The following CUX2 variants were observed in gnomAD, a reference collection of about 807,000 sequenced individuals.
CUX2 encodes cut like homeobox 2, also known as homeobox protein cut-like 2.
In CUX2, 40 loss-of-function variants were observed where a neutral mutation model predicts 144.8. The ratio of observed to expected loss-of-function variants is 0.28; its 90% CI spans 0.21 to 0.36. The LOEUF is 0.36. CUX2 is among the 10% of genes least tolerant of loss of function. CUX2 has a pLI of 1.00. For missense variants in CUX2, 1,615 were observed against 1,994.0 expected (o/e 0.81, Z 3.62); for synonymous variants, 827 against 875.6 (o/e 0.94, Z 0.98).
chr12:111,120,206 C>T (rs1343374491), intron 1 of CUX2, among the ~76,000 whole-genome samples: 2 of 152,194 alleles, frequency 1.3e-5, no homozygotes, highest in Admixed American at 6.5e-5. Flanking sequence ...CAACTCTCTT[C>T]ATTATCCTCT....
chr12:111,329,792 C>A (rs745603660), intron 18 of CUX2, among the ~76,000 whole-genome samples: 14 of 152,262 alleles, frequency 9.2e-5, no homozygotes, highest in Middle Eastern at 3.4e-3. Context: ...TGTGCAAACA[C>A]ACCTGGCTAA....
At position 111,037,551 on chromosome 12, in the gene CUX2, T is replaced by C. The variant is rs1869522927; in HGVS notation, c.63+3311T>C. Among the ~76,000 whole-genome samples, 1 of 152,236 alleles carries C rather than the reference T, an allele frequency of 6.6e-6. No individual in the cohort carries two copies. The highest frequency in any genetic ancestry group is 2.1e-4 in the South Asian group (1 of 4,832). On this transcript the variant is annotated intron_variant, in intron 1 of 21. Transcript: ENST00000261726. This position sits in a 1 kb window ranked among gnomAD's most constrained non-coding sequence, Gnocchi z 5.4. Reference sequence around the variant, plus strand: ...ATGTGCCACCCTACTCCGGCACTCCTGAAACTACCTCCCCCCGTCTTTGCT... The same window carrying C: ...ATGTGCCACCCTACTCCGGCACTCCCGAAACTACCTCCCCCCGTCTTTGCT...
intron 1 of CUX2, among the ~76,000 whole-genome samples, chr12:111,207,097 T>C (rs996500021): frequency 1.3e-5 from 2 of 152,184 alleles, no homozygotes; most frequent in Non-Finnish European, 2.9e-5. Flanking sequence ...GATAAAGGGC[T>C]TCCAGCCTGG....
chr12:111,292,012 T>C (rs1306756015), intron 5 of CUX2, among the ~76,000 whole-genome samples: 1 of 151,600 alleles, frequency 6.6e-6, no homozygotes, highest in Non-Finnish European at 1.5e-5. Context: ...CCCTCCACAG[T>C]AGGGAGGGGA....
chr12:111,088,501 G>T (rs1872371334), intron 1 of CUX2, among the ~76,000 whole-genome samples: 1 of 152,172 alleles, frequency 6.6e-6, no homozygotes, highest in South Asian at 2.1e-4. Flanking sequence ...TCAAAATGCA[G>T]CGGGCTGAAT....
intron 16 of CUX2, among the ~76,000 whole-genome samples, chr12:111,316,588 T>A (rs904650872): frequency 2.0e-5 from 3 of 151,544 alleles, no homozygotes; most frequent in Non-Finnish European, 4.4e-5. Flanking sequence ...TAGCTGGGAT[T>A]ACAGGTGCGT....
chr12:111,102,302 C>G (rs1435340480), intron 1 of CUX2, among the ~76,000 whole-genome samples: 1 of 152,212 alleles, frequency 6.6e-6, no homozygotes, highest in Non-Finnish European at 1.5e-5. Context: ...GGGAGCCAGC[C>G]GACAAGGAAG....
intron 1 of CUX2, among the ~76,000 whole-genome samples, chr12:111,128,165 G>A (rs7971754): frequency 0.093 from 14,145 of 152,130 alleles, 2,174 homozygotes; most frequent in African/African-American, 0.32. Context: ...GAACCAAACC[G>A]TTAACCACAG....
chr12:111,100,660 G>A lies in CUX2; in HGVS notation c.63+66420G>A, dbSNP rs1873167172. 2.0e-5 allele frequency among the ~76,000 whole-genome samples: 3 copies of A among 152,220 alleles called. No homozygotes were observed. In the South Asian group the frequency reaches 6.2e-4, roughly 31 times the overall value. On this transcript the variant is annotated intron_variant, in intron 1 of 21. Transcript: ENST00000261726. ...TGAACATGTGAGCTTGCATGGAGGA[G>A]GGTGTCACGTGGCAGAGTGAGTTGT...
At position 111,190,474 on chromosome 12, in the gene CUX2, C is replaced by T. The variant is rs1477665901; in HGVS notation, c.64-23726C>T. Among the ~76,000 whole-genome samples, 5 of 152,214 alleles carry T rather than the reference C, an allele frequency of 3.3e-5. No homozygotes were observed. Among genetic ancestry groups the T allele is most frequent in the Non-Finnish European group, 7.3e-5 (5 of 68,030 alleles). ...TCTCCCCAAATTCATGAACATTCCT[C>T]CACCTAGCCTGGCCCCACTATCTAA... On this transcript the variant is annotated intron_variant, in intron 1 of 21. Coordinates refer to ENST00000261726, the MANE Select transcript of CUX2 (RefSeq NM_015267.4). The surrounding 1 kb of genome is among the most constrained non-coding windows in gnomAD (Gnocchi z 4.0).
intron 3 of CUX2, among the ~76,000 whole-genome samples, chr12:111,262,250 T>C (rs994109843): frequency 6.6e-6 from 1 of 152,198 alleles, no homozygotes; most frequent in African/African-American, 2.4e-5. Flanking sequence ...CCACAGTGCT[T>C]GGTGCATAGC....
At chr12:111,183,749 T>C (rs767647078) in intron 1 of CUX2, among the ~76,000 whole-genome samples, 1 of 152,156 alleles carries the variant, frequency 6.6e-6, no homozygotes, top group Non-Finnish European at 1.5e-5. Flanking sequence ...AGTGCTCACA[T>C]AGTGCCTGGC....
intron 1 of CUX2, among the ~76,000 whole-genome samples, chr12:111,096,310 G>T (rs1872813229): frequency 6.6e-6 from 1 of 152,190 alleles, no homozygotes; most frequent in Non-Finnish European, 1.5e-5. Flanking sequence ...GAGGTTCTTT[G>T]TCTGCCCCGG....
rs1366246514 is a variant in CUX2 at position 111,304,396 on chromosome 12, G to A, written c.858+82G>A. ...CTGAGTTTGCAGGTTTCAGCATGTG[G>A]GTGACACTTTGTGGTTGATTGTGTG... On this transcript the variant is annotated intron_variant, in intron 10 of 21. Coordinates refer to ENST00000261726, the MANE Select transcript of CUX2 (RefSeq NM_015267.4). This position sits in a 1 kb window ranked among gnomAD's most constrained non-coding sequence, Gnocchi z 4.7. 5 of 1,152,916 alleles carry A rather than the reference G, an allele frequency of 4.3e-6. No homozygotes were observed. The highest frequency in any genetic ancestry group is 3.0e-5 in the African/African-American group (2 of 66,222). 71.4% of individuals were successfully genotyped at this position (1,152,916 alleles called of 1,614,324 possible). A position where few individuals can be genotyped will look rare whatever the true frequency, so the allele number is the denominator to read the frequency against.
intron 1 of CUX2, among the ~76,000 whole-genome samples, chr12:111,069,168 C>A (rs114035146): frequency 1.3e-5 from 2 of 152,076 alleles, no homozygotes; most frequent in African/African-American, 4.8e-5. Flanking sequence ...ATCTCTGAGC[C>A]TCAGTTTTCC....
chr12:111,273,812 A>G (rs974655544), intron 4 of CUX2, among the ~76,000 whole-genome samples: 3 of 152,152 alleles, frequency 2.0e-5, no homozygotes, highest in Admixed American at 1.3e-4. Flanking sequence ...AGTTTCCCCA[A>G]TGTAAAATGT....
rs187431329 is a variant in CUX2 at position 111,335,341 on chromosome 12, C to T, written c.3196+631C>T. On this transcript the variant is annotated intron_variant, in intron 19 of 21. Coordinates refer to ENST00000261726, the MANE Select transcript of CUX2 (RefSeq NM_015267.4). Reference sequence around the variant, plus strand: ...CTGGGAGGCAGAGGTTGCAGTGAGCCGAGATCACACCACTGCACTCTAGCC... The same window carrying T: ...CTGGGAGGCAGAGGTTGCAGTGAGCTGAGATCACACCACTGCACTCTAGCC... 1.2e-3 allele frequency among the ~76,000 whole-genome samples: 182 copies of T among 151,758 alleles called. 2 individuals carry two copies. The highest frequency in any genetic ancestry group is 4.0e-3 in the African/African-American group (167 of 41,346).
intron 1 of CUX2, among the ~76,000 whole-genome samples, chr12:111,167,103 C>T (rs1417552602): frequency 6.6e-6 from 1 of 152,178 alleles, no homozygotes; most frequent in African/African-American, 2.4e-5. Context: ...GTCTCAGCTT[C>T]TGCACTGTCC....
chr12:111,245,675 G>A (rs1382578034), intron 3 of CUX2, among the ~76,000 whole-genome samples: 1 of 152,136 alleles, frequency 6.6e-6, no homozygotes, highest in African/African-American at 2.4e-5. Context: ...AAAACAATAA[G>A]GAGCATTCGA....
Sources: gnomAD v4.1 joint callset for allele counts (sites outside exome capture counted in the v4.1 genomes callset) on GRCh38, gnomAD v4.1.1 for gene constraint, Gnocchi (gnomAD v3.1) non-coding constraint, MANE v1.5 for transcripts, NCBI Gene and HGNC (gene_info 2026-07-23, HGNC 2026-07-21) for gene names.